The following NMT1 variants were observed in gnomAD, a reference collection of about 807,000 sequenced individuals.
NMT1 encodes glycylpeptide N-tetradecanoyltransferase 1.
Under a neutral mutation model 63.4 loss-of-function variants are expected in NMT1, and 12 were observed. That is an observed-to-expected ratio of 0.19 (90% confidence interval 0.12 to 0.31). NMT1 has a LOEUF of 0.31. Among genes scored for constraint, NMT1 ranks in the 10% least tolerant of loss-of-function variants. The pLI, the probability that NMT1 is intolerant of heterozygous loss-of-function variation, is 1.00. For synonymous variants in NMT1, 228 were observed against 234.3 expected, an observed-to-expected ratio of 0.97 and a Z score of 0.25; for missense variants, 432 against 634.6, an observed-to-expected ratio of 0.68 and a Z score of 3.43.
chr17:45,083,214 G>A (rs1000390616), intron 2 of NMT1, among the ~76,000 whole-genome samples: 4 of 151,466 alleles, frequency 2.6e-5, no homozygotes, highest in Non-Finnish European at 4.4e-5. Flanking sequence ...AGCTACTCAG[G>A]AGGCTGAGAC....
chr17:45,065,597 C>G (rs1420354999), intron 1 of NMT1, among the ~76,000 whole-genome samples: 2 of 135,058 alleles, frequency 1.5e-5, no homozygotes, highest in Admixed American at 8.6e-5. Flanking sequence ...GCACTCCAGC[C>G]TGGGCGACAG....
chr17:45,072,993 A>T (rs2053953374), intron 1 of NMT1, among the ~76,000 whole-genome samples: 1 of 152,034 alleles, frequency 6.6e-6, no homozygotes, highest in Non-Finnish European at 1.5e-5. Context: ...TGTTTTGCTG[A>T]CCCTCTTTTG....
Position 45,087,393 on chromosome 17 carries a change from T to G in NMT1, c.385+741T>G, listed in dbSNP as rs993464240. 2.0e-5 allele frequency among the ~76,000 whole-genome samples: 3 copies of G among 152,184 alleles called. No individual in the cohort carries two copies. In the East Asian group the frequency reaches 5.8e-4, roughly 29 times the overall value. ...ATGCAAAGTGGTTTGAGATTTTGCT[T>G]AGCAGTGATGGTTCAACAACAGGAA... On this transcript the variant is annotated intron_variant, in intron 3 of 11. Coordinates refer to ENST00000258960, the MANE Select transcript of NMT1 (RefSeq NM_021079.5).
intron 1 of NMT1, among the ~76,000 whole-genome samples, chr17:45,070,848 A>G (rs1256038179): frequency 6.6e-6 from 1 of 152,088 alleles, no homozygotes; most frequent in Non-Finnish European, 1.5e-5. Flanking sequence ...CACTGTGCCC[A>G]GCCCCAGGGT....
At chr17:45,102,361 G>A (rs767469524) in intron 8 of NMT1, among the ~76,000 whole-genome samples, 1 of 152,218 alleles carries the variant, frequency 6.6e-6, no homozygotes, top group Admixed American at 6.5e-5. Context: ...AGCAGCTGCC[G>A]GGTGGGACGC....
intron 2 of NMT1, among the ~76,000 whole-genome samples, chr17:45,084,554 C>T (rs1277389804): frequency 2.6e-5 from 4 of 151,554 alleles, no homozygotes; most frequent in Non-Finnish European, 4.4e-5. Context: ...AGGATGGTCT[C>T]GATCTCCTGA....
At chr17:45,079,680 A>G (rs894670975) in intron 1 of NMT1, among the ~76,000 whole-genome samples, 3 of 152,180 alleles carry the variant, frequency 2.0e-5, no homozygotes, top group African/African-American at 7.2e-5. Context: ...ATACACACAG[A>G]CATGTTTCTT....
In NMT1 at chr17:45,105,822, C is replaced by T. The variant is rs143311253; in HGVS notation, c.*183C>T. On this transcript the variant is annotated 3_prime_UTR_variant, in exon 12 of 12. Transcript: ENST00000258960. This position sits in a 1 kb window ranked among gnomAD's most constrained non-coding sequence, Gnocchi z 4.2. ...TATTGCGATGGCGTGGGCTGCGTGA[C>T]GTCACCTCCGGTCGTGTCTCTGGTC... The T allele has an allele frequency of 2.1e-4, 123 of 580,264 alleles. No homozygotes were observed. Among genetic ancestry groups the T allele is most frequent in the African/African-American group, 2.1e-3 (110 of 52,514 alleles). The allele number at this position is 580,264 out of a possible 1,614,324, so 35.9% of individuals were successfully genotyped here. A position where few individuals can be genotyped will look rare whatever the true frequency, so the allele number is the denominator to read the frequency against.
chr17:45,069,514 A>G (rs1349415597), intron 1 of NMT1, among the ~76,000 whole-genome samples: 1 of 151,290 alleles, frequency 6.6e-6, no homozygotes, highest in Non-Finnish European at 1.5e-5. Context: ...CTGGTCTTGG[A>G]ACTCCTAATC....
At position 45,093,686 on chromosome 17, in the gene NMT1, C is replaced by A. The variant is rs199678185; in HGVS notation, c.387C>A (p.Gly129=). 5 of 1,613,588 alleles carry A rather than the reference C, an allele frequency of 3.1e-6. No individual in the cohort carries two copies. The African/African-American group carries it at 5.3e-5, about 17-fold the overall frequency. ...CTCACAGCTGTGCTCTTCTTTCAGG[C>A]GAAGTGGTGAACACCCATGGCCCCG... is the stretch of plus-strand genomic sequence containing the variant. ...FWDTQPVPKL[G]EVVNTHGPVE... Residue 129 remains glycine, a splice_region_variant and synonymous_variant, in exon 4 of 12, where the codon GGC becomes GGA. Transcript: ENST00000258960.
intron 2 of NMT1, among the ~76,000 whole-genome samples, chr17:45,084,336 CTT>C (rs59845744): frequency 7.1e-6 from 1 of 141,184 alleles, no homozygotes. Flanking sequence ...GCTTGGTAAA[CTT>C]TTTTTTTTTT....
Position 45,061,349 on chromosome 17 carries a change from C to A in NMT1, c.20C>A (p.Thr7Lys). Residue 7 changes from threonine (T) to lysine (K), a missense_variant, in exon 1 of 12, where the codon ACA (threonine) becomes AAA (lysine). Transcript: ENST00000258960. ...CTCAAGATGGCGGACGAGAGTGAGACAGCAGTGAAGCCGCCGGCACCTCCG... is the reference window on the plus strand; with the variant it reads ...CTCAAGATGGCGGACGAGAGTGAGAAAGCAGTGAAGCCGCCGGCACCTCCG... MADESE[T>K]AVKPPAPPLP... is the part of the protein sequence containing the mutation. 6.2e-7 allele frequency: 1 copy of A among 1,613,922 alleles called. No homozygotes were observed. Among genetic ancestry groups the A allele is most frequent in the Non-Finnish European group, 8.5e-7 (1 of 1,179,924 alleles).
intron 8 of NMT1, among the ~76,000 whole-genome samples, chr17:45,101,322 A>G (rs2143519660): frequency 6.7e-6 from 1 of 149,208 alleles, no homozygotes; most frequent in South Asian, 2.2e-4. Context: ...CCATCCCAGT[A>G]GGGATTCTTA....
chr17:45,074,217 C>CTTTT (rs5820559), intron 1 of NMT1, among the ~76,000 whole-genome samples: 8 of 140,262 alleles, frequency 5.7e-5, no homozygotes, highest in Non-Finnish European at 7.6e-5. Flanking sequence ...TAAAAGATGA[C>CTTTT]TTTTTTTTTT....
At chr17:45,084,357 C>T (rs188071512) in intron 2 of NMT1, among the ~76,000 whole-genome samples, 27 of 129,910 alleles carry the variant, frequency 2.1e-4, no homozygotes, top group African/African-American at 7.5e-4. Context: ...TTTTGCGAGA[C>T]GGAGTCTCGC....
intron 2 of NMT1, among the ~76,000 whole-genome samples, chr17:45,085,819 C>CTT (rs747872109): frequency 0.034 from 4,901 of 145,520 alleles, 270 homozygotes; most frequent in African/African-American, 0.12. Context: ...CCCTTTAACT[C>CTT]TTTTTTTTTT....
chr17:45,078,337 C>A (rs943533952), intron 1 of NMT1, among the ~76,000 whole-genome samples: 1 of 152,082 alleles, frequency 6.6e-6, no homozygotes, highest in African/African-American at 2.4e-5. Flanking sequence ...CAAAGAGATC[C>A]AGAAAAGGCT....
chr17:45,096,211 C>T lies in NMT1; in HGVS notation c.522C>T (p.Thr174=), dbSNP rs770678984. The T allele has an allele frequency of 4.3e-6, 7 of 1,613,656 alleles. No homozygotes were observed. In the Admixed American group the frequency reaches 1.0e-4, roughly 23 times the overall value. The part of the protein sequence containing the change: ...GDRGVLKELY[T]LLNENYVEDD... ...CTTTACAGCTAAAAGAACTGTACAC[C>T]CTCCTGAATGAGAACTATGTGGAAG... The change falls in exon 5 of 12, where the codon ACC becomes ACT. Residue 174 remains threonine, a synonymous_variant. Transcript: ENST00000258960.
intron 1 of NMT1, among the ~76,000 whole-genome samples, chr17:45,076,703 T>A (rs1233317970): frequency 1.3e-5 from 2 of 151,324 alleles, no homozygotes. Context: ...TGAGCTGAGA[T>A]CGTGCCATTG....
Sources: gnomAD v4.1 joint callset for allele counts (sites outside exome capture counted in the v4.1 genomes callset) on GRCh38, gnomAD v4.1.1 for gene constraint, Gnocchi (gnomAD v3.1) non-coding constraint, MANE v1.5 for transcripts, NCBI Gene and HGNC (gene_info 2026-07-23, HGNC 2026-07-21) for gene names.